The following LRRN4 variants were observed in gnomAD, a reference collection of about 807,000 sequenced individuals.
LRRN4 encodes the protein leucine-rich repeat neuronal protein 4.
LRRN4 carries 26 observed loss-of-function variants against 22.3 expected under a neutral mutation model. The observed-to-expected ratio is 1.16, with a 90% CI of 0.85 to 1.62. The LOEUF is 1.62. Ranked by LOEUF, LRRN4 falls within the 40% of genes most tolerant of loss-of-function variation. LRRN4 has a pLI of 0.00. For missense variants in LRRN4, 1,070 were observed against 1,008.5 expected, an observed-to-expected ratio of 1.06 and a Z score of -0.83; for synonymous variants, 496 against 486.2, an observed-to-expected ratio of 1.02 and a Z score of -0.26.
Position 6,040,924 on chromosome 20 carries a change from A to C in LRRN4, c.*98T>G. 1 of 1,509,966 alleles carries C rather than the reference A, an allele frequency of 6.6e-7. No individual in the cohort carries two copies. Among genetic ancestry groups the C allele is most frequent in the South Asian group, 1.3e-5 (1 of 77,256 alleles). The allele number at this position is 1,509,966 out of a possible 1,614,324, so 93.5% of individuals were successfully genotyped here. The stretch of plus-strand genomic sequence containing the variant: ...AAGGCATTCTGGCTTCACGGGAATT[A>C]GAAACCCTAGGAGCGGATGGGGTCG... On this transcript the variant is annotated 3_prime_UTR_variant, in exon 5 of 5. Transcript: ENST00000378858.
At chr20:6,046,439 G>T (rs891008110) in intron 3 of LRRN4, among the ~76,000 whole-genome samples, 2 of 148,754 alleles carry the variant, frequency 1.3e-5, no homozygotes, top group East Asian at 3.9e-4. Flanking sequence ...TGGCAGATCT[G>T]CTCCTGGCTC....
intron 3 of LRRN4, among the ~76,000 whole-genome samples, chr20:6,046,714 A>T (rs1981107941): frequency 6.7e-6 from 1 of 149,090 alleles, no homozygotes; most frequent in Non-Finnish European, 1.5e-5. Flanking sequence ...CATCTGCTCT[A>T]TCACTTCTGG....
chr20:6,052,441 CCACCCG>C lies in LRRN4; in HGVS notation c.353_358del (p.Pro118_Gly120delinsArg). On this transcript the variant is annotated inframe_deletion, in exon 2 of 5. Coordinates refer to ENST00000378858, the MANE Select transcript of LRRN4 (RefSeq NM_152611.5). The stretch of plus-strand genomic sequence containing the variant: ...GTCCAGGGTGTGCAGCCCCGCCGGC[CCACCCG>C]GGCCCCAGCGCAGCGCGGCGATGCG... The C allele has an allele frequency of 6.5e-7, 1 of 1,550,384 alleles. No individual in the cohort carries two copies. Among genetic ancestry groups the C allele is most frequent in the East Asian group, 2.4e-5 (1 of 41,880 alleles).
Position 6,052,840 on chromosome 20 carries a change from C to T in LRRN4, c.-5-36G>A, listed in dbSNP as rs1231782990. The T allele has an allele frequency of 3.3e-6, 5 of 1,512,934 alleles. No homozygotes were observed. In the Admixed American group the frequency reaches 1.0e-4, roughly 31 times the overall value. 93.7% of individuals were successfully genotyped at this position (1,512,934 alleles called of 1,614,324 possible). On this transcript the variant is annotated intron_variant, in intron 1 of 4. Coordinates refer to ENST00000378858, the MANE Select transcript of LRRN4 (RefSeq NM_152611.5). ...AACAGCAGGACGCCCATCAAATCCA[C>T]AGGAACCCCCGCACAAAGAGTCAGA...
intron 3 of LRRN4, among the ~76,000 whole-genome samples, chr20:6,049,734 C>T (rs1439422439): frequency 1.3e-5 from 2 of 152,008 alleles, no homozygotes; most frequent in African/African-American, 4.8e-5. Context: ...AACTCCTGAC[C>T]TCAGGTGATC....
chr20:6,041,314 C>G lies in LRRN4; in HGVS notation c.1931G>C (p.Gly644Ala). The change falls in exon 5 of 5, where the codon GGC (glycine) becomes GCC (alanine). Residue 644 changes from glycine (G) to alanine (A), a missense_variant. Coordinates refer to ENST00000378858, the MANE Select transcript of LRRN4 (RefSeq NM_152611.5). This position sits in a 1 kb window ranked among gnomAD's most constrained non-coding sequence, Gnocchi z 9.4. ...CAGCACGCACACGCGGTAGGTGGTG[C>G]CCGGCGACAGCCCGTACAGAGGGTG... ...RQHPLYGLSP[G>A]TTYRVCVLAA... 5.0e-6 allele frequency: 8 copies of G among 1,596,668 alleles called. No individual in the cohort carries two copies. The highest frequency in any genetic ancestry group is 6.8e-6 in the Non-Finnish European group (8 of 1,175,520).
chr20:6,046,680 G>A (rs1981106481), intron 3 of LRRN4, among the ~76,000 whole-genome samples: 1 of 148,940 alleles, frequency 6.7e-6, no homozygotes, highest in Non-Finnish European at 1.5e-5. Flanking sequence ...CTGTTGTTCT[G>A]GGAAAGGAAG....
Position 6,052,878 on chromosome 20 carries a change from C to T in LRRN4, c.-5-74G>A, listed in dbSNP as rs1981301285. ...ACAAAGAGTCAGATGCGCGTCCCAACCCTACCTCCAGGGCTCTGAGGAGGA... is the reference window on the plus strand; with the variant it reads ...ACAAAGAGTCAGATGCGCGTCCCAATCCTACCTCCAGGGCTCTGAGGAGGA... On this transcript the variant is annotated intron_variant, in intron 1 of 4. Coordinates refer to ENST00000378858, the MANE Select transcript of LRRN4 (RefSeq NM_152611.5). The T allele has an allele frequency of 2.8e-6, 4 of 1,412,958 alleles. No homozygotes were observed. The African/African-American group carries it at 4.3e-5, about 15-fold the overall frequency. 87.5% of individuals were successfully genotyped at this position (1,412,958 alleles called of 1,614,324 possible). A position where few individuals can be genotyped will look rare whatever the true frequency, so the allele number is the denominator to read the frequency against.
intron 3 of LRRN4, among the ~76,000 whole-genome samples, chr20:6,047,425 T>TAC (rs57188958): frequency 0.059 from 7,556 of 128,266 alleles, 203 homozygotes; most frequent in South Asian, 0.087. Context: ...CAGACACACA[T>TAC]ACACACACAC....
Position 6,052,803 on chromosome 20 carries a change from G to C in LRRN4, c.-4C>G, listed in dbSNP as rs1464517682. On this transcript the variant is annotated splice_region_variant and 5_prime_UTR_variant, in exon 2 of 5. Transcript: ENST00000378858. The stretch of plus-strand genomic sequence containing the variant: ...GCAGCGGTAGGGTTTGCCGCATGGC[G>C]TCTGGGGAGAGAACAGCAGGACGCC... The C allele has an allele frequency of 1.9e-6, 3 of 1,561,498 alleles. No individual in the cohort carries two copies. The African/African-American group carries it at 4.1e-5, about 21-fold the overall frequency.
intron 1 of LRRN4, 98 bp from the exon 2 acceptor site, chr20:6,052,902 G>C: frequency 8.0e-7 from 1 of 1,246,718 alleles, no homozygotes; most frequent in East Asian, 2.6e-5. Context: ...CTCTGAGGAG[G>C]AGCACAGGCG....
intron 3 of LRRN4, among the ~76,000 whole-genome samples, chr20:6,048,203 C>T (rs1981154859): frequency 6.7e-6 from 1 of 149,118 alleles, no homozygotes. Flanking sequence ...CTCTTGACCT[C>T]CAGGACATCA....
Position 6,042,029 on chromosome 20 carries a change from C to T in LRRN4, c.1216G>A (p.Val406Ile), listed in dbSNP as rs780491995. The T allele has an allele frequency of 8.7e-5, 140 of 1,613,834 alleles. No homozygotes were observed. The highest frequency in any genetic ancestry group is 1.2e-4 in the Non-Finnish European group (138 of 1,179,990). ...ATRPAGDQQS[V>I]SKAPNVGSRT... is the part of the protein sequence containing the mutation. ...GAGCCCACGTTAGGGGCCTTGGAGA[C>T]ACTCTGCTGGTCTCCCGCAGGCCGG... The change falls in exon 5 of 5, where the codon GTC becomes ATC. Residue 406 changes from valine to isoleucine, a missense_variant. Transcript: ENST00000378858.
chr20:6,048,098 C>T (rs1199053338), intron 3 of LRRN4, among the ~76,000 whole-genome samples: 1 of 152,120 alleles, frequency 6.6e-6, no homozygotes, highest in Admixed American at 6.5e-5. Flanking sequence ...GCTGATGTCC[C>T]ACATTTTGCC....
At position 6,052,456 on chromosome 20, in the gene LRRN4, C is replaced by G; in HGVS notation, c.344G>C (p.Arg115Pro). ...CCCCGCCGGCCCACCCGGGCCCCAG[C>G]GCAGCGCGGCGATGCGGTTGTGGCG... The part of the protein sequence containing the change: ...TLRHNRIAAL[R>P]WGPGGPAGLH... Residue 115 changes from arginine to proline, a missense_variant, in exon 2 of 5, where the codon CGC becomes CCC. Coordinates refer to ENST00000378858, the MANE Select transcript of LRRN4 (RefSeq NM_152611.5). The G allele has an allele frequency of 6.4e-7, 1 of 1,557,550 alleles. No individual in the cohort carries two copies. The highest frequency in any genetic ancestry group is 1.2e-5 in the South Asian group (1 of 85,558).
intron 3 of LRRN4, among the ~76,000 whole-genome samples, chr20:6,050,317 T>A (rs1467863655): frequency 1.3e-5 from 2 of 152,238 alleles, no homozygotes; most frequent in African/African-American, 4.8e-5. Context: ...AGTGACTGCA[T>A]TGTGTAAAAG....
Position 6,050,950 on chromosome 20 carries a change from AG to A in LRRN4, c.688del (p.Leu230SerfsTer6). On this transcript the variant is annotated frameshift_variant, in exon 3 of 5. Coordinates refer to ENST00000378858, the MANE Select transcript of LRRN4 (RefSeq NM_152611.5). LOFTEE classifies it high-confidence loss of function. ...ESGWIRDLPK[L>X]TSLYLRKMPR... ...CATCTTCCTCAGGTAGAGGGATGTG[AG>A]CTTCGGCAGGTCTCTGATCCACCCT... 1 of 1,614,106 alleles carries A rather than the reference AG, an allele frequency of 6.2e-7. No homozygotes were observed. Among genetic ancestry groups the A allele is most frequent in the South Asian group, 1.1e-5 (1 of 91,070 alleles).
rs1023215364 is a variant in LRRN4, at chr20:6,040,704, A to G, written c.*318T>C. ...GTTTCATCCCTTCCTACGTCCATAC[A>G]CTATTCTACTGGATAGAGAGGCACT... On this transcript the variant is annotated 3_prime_UTR_variant, in exon 5 of 5. Transcript: ENST00000378858. The G allele has an allele frequency of 1.7e-5, 6 of 350,646 alleles. No homozygotes were observed. The highest frequency in any genetic ancestry group is 3.1e-5 in the Non-Finnish European group (6 of 191,258). 21.7% of individuals were successfully genotyped at this position (350,646 alleles called of 1,614,324 possible).
chr20:6,050,185 C>T (rs1002209650), intron 3 of LRRN4, among the ~76,000 whole-genome samples: 2 of 152,184 alleles, frequency 1.3e-5, no homozygotes, highest in Non-Finnish European at 2.9e-5. Flanking sequence ...AGATACAAAG[C>T]ATTTCTCCTC....
Sources: gnomAD v4.1 joint callset for allele counts (sites outside exome capture counted in the v4.1 genomes callset) on GRCh38, gnomAD v4.1.1 for gene constraint, Gnocchi (gnomAD v3.1) non-coding constraint, MANE v1.5 for transcripts, NCBI Gene and HGNC (gene_info 2026-07-23, HGNC 2026-07-21) for gene names.